HOGA1: variants seen among roughly 807,000 people sequenced by gnomAD.
HOGA1 encodes the protein 4-hydroxy-2-oxoglutarate aldolase 1.
Under a neutral mutation model 34.3 loss-of-function variants are expected in HOGA1, and 30 were observed. That is an observed-to-expected ratio of 0.87 (90% CI 0.65 to 1.19). The LOEUF (loss-of-function observed/expected upper bound fraction) is 1.19. HOGA1 is among the 50% of genes most tolerant of loss of function. HOGA1 has a pLI of 0.00. For synonymous variants in HOGA1, 161 were observed against 174.0 expected, an observed-to-expected ratio of 0.93 and a Z score of 0.59; for missense variants, 417 against 436.5, an observed-to-expected ratio of 0.96 and a Z score of 0.40.
At chr10:97,598,706 G>C in intron 1 of HOGA1, 69 bp from the exon 2 acceptor site, 1 of 1,580,412 alleles carries the variant, frequency 6.3e-7, no homozygotes, top group Non-Finnish European at 8.7e-7. Flanking sequence ...GTGTCGTAAG[G>C]TAGGAACACC....
At chr10:97,602,678 T>TTTCA in intron 6 of HOGA1, 1 of 768,806 alleles carries the variant, frequency 1.3e-6, no homozygotes, top group Non-Finnish European at 1.6e-6. Context: ...TCTTTCTCTC[T>TTTCA]TTCTTTCTTT....
In HOGA1 at chr10:97,601,871, G is replaced by A. The variant is rs189919790; in HGVS notation, c.715G>A (p.Val239Ile). Reference sequence around the variant, plus strand: ...ACTTCGTGCAGGAGCTGTGGGGGGCGTCTGCGCCCTGGCCAATGTCCTGGG... The same window carrying A: ...ACTTCGTGCAGGAGCTGTGGGGGGCATCTGCGCCCTGGCCAATGTCCTGGG... The part of the protein sequence containing the change: ...ASYALGAVGG[V>I]CALANVLGAQ... The change falls in exon 6 of 7, where the codon GTC (valine) becomes ATC (isoleucine). Residue 239 changes from valine (V) to isoleucine (I), a missense_variant. Transcript: ENST00000370646. 3.1e-4 allele frequency: 505 copies of A among 1,612,356 alleles called. 2 individuals are homozygous for A. The East Asian group carries it at 5.9e-3, about 19-fold the overall frequency.
chr10:97,604,244 T>G (rs1278218905), intron 6 of HOGA1, among the ~76,000 whole-genome samples: 1 of 152,228 alleles, frequency 6.6e-6, no homozygotes, highest in East Asian at 1.9e-4. Flanking sequence ...TCATCCAGGT[T>G]GTTTGTTGCA....
intron 1 of HOGA1, among the ~76,000 whole-genome samples, chr10:97,594,898 G>A (rs1257045546): frequency 1.3e-5 from 2 of 152,198 alleles, no homozygotes; most frequent in African/African-American, 2.4e-5. Flanking sequence ...GTAGATGGGT[G>A]CTGTCCATGG....
chr10:97,598,594 G>A (rs1039669161), intron 1 of HOGA1, among the ~76,000 whole-genome samples, 181 bp from the exon 2 acceptor site: 1 of 152,208 alleles, frequency 6.6e-6, no homozygotes, highest in Admixed American at 6.5e-5. Context: ...GCAACAGAGT[G>A]AGACCCTGTG....
chr10:97,598,968 A>T (rs2041093870), intron 2 of HOGA1, 65 bp downstream of exon 2: 3 of 1,609,812 alleles, frequency 1.9e-6, no homozygotes, highest in Non-Finnish European at 2.5e-6. Context: ...CCTAGGCCCT[A>T]GCTTGGGTCC....
chr10:97,585,760 C>T (rs903868308), intron 1 of HOGA1, among the ~76,000 whole-genome samples: 2 of 152,226 alleles, frequency 1.3e-5, no homozygotes, highest in African/African-American at 4.8e-5. Context: ...TTTGGAGCTG[C>T]TAGGCCACAC....
In HOGA1 at chr10:97,603,027, A is replaced by T. The variant is rs1350097305; in HGVS notation, c.834+1037A>T. Among the ~76,000 whole-genome samples, 1 of 151,966 alleles carries T rather than the reference A, an allele frequency of 6.6e-6. No individual in the cohort carries two copies. Among genetic ancestry groups the T allele is most frequent in the Admixed American group, 6.6e-5 (1 of 15,254 alleles). On this transcript the variant is annotated intron_variant, in intron 6 of 6. Transcript: ENST00000370646. This position sits in a 1 kb window ranked among gnomAD's most constrained non-coding sequence, Gnocchi z 4.5. ...TCTTTTCTTTTCTTTTTTGAGACAT[A>T]GTCTCACTCTGTTTCCCAGGCTGGA...
chr10:97,595,766 C>T (rs182974856), intron 1 of HOGA1, among the ~76,000 whole-genome samples: 1 of 152,338 alleles, frequency 6.6e-6, no homozygotes. Flanking sequence ...TTAGCCTGGG[C>T]TTCTCTGACT....
At chr10:97,589,783 G>A in intron 1 of HOGA1, 1 of 759,282 alleles carries the variant, frequency 1.3e-6, no homozygotes. Context: ...CACCCAGCGT[G>A]CTCTTAGCTC....
chr10:97,599,037 C>T, intron 2 of HOGA1, 52 bp from the exon 3 acceptor site: 1 of 1,609,232 alleles, frequency 6.2e-7, no homozygotes, highest in Non-Finnish European at 8.5e-7. Context: ...GGCCCAGTGT[C>T]CTGGTCCAGG....
intron 1 of HOGA1, among the ~76,000 whole-genome samples, chr10:97,596,726 A>G (rs1369686482): frequency 1.3e-5 from 2 of 149,774 alleles, no homozygotes; most frequent in African/African-American, 4.9e-5. Flanking sequence ...AAAAAAAAAA[A>G]GCAGCTAAAT....
Position 97,600,049 on chromosome 10 carries a change from C to T in HOGA1, c.604-18C>T, listed in dbSNP as rs1442723306. The T allele has an allele frequency of 6.2e-7, 1 of 1,610,836 alleles. No individual in the cohort carries two copies. Among genetic ancestry groups the T allele is most frequent in the East Asian group, 2.2e-5 (1 of 44,874 alleles). ...TGAGGCTCTGGGCACAGCTCTCACA[C>T]CACATTTGCTGTTGCAGGTGACCAG... On this transcript the variant is annotated intron_variant, in intron 4 of 6. Transcript: ENST00000370646.
intron 6 of HOGA1, 57 bp from the exon 7 acceptor site, chr10:97,611,452 TC>T: frequency 6.3e-7 from 1 of 1,599,828 alleles, no homozygotes; most frequent in East Asian, 2.2e-5. Flanking sequence ...ATCTCCGAGT[TC>T]CAGATATGGG....
At chr10:97,609,423 C>T (rs577260823) in intron 6 of HOGA1, among the ~76,000 whole-genome samples, 2 of 152,266 alleles carry the variant, frequency 1.3e-5, no homozygotes, top group East Asian at 3.9e-4. Flanking sequence ...CATCCCAGAT[C>T]TCTGCGTGTC....
rs758304537 is a variant in HOGA1 at position 97,584,911 on chromosome 10, C to T, written c.208C>T (p.Arg70Ter). 3.6e-5 allele frequency: 58 copies of T among 1,613,662 alleles called. 1 individual carries two copies. Among genetic ancestry groups the T allele is most frequent in the South Asian group, 5.5e-5 (5 of 91,038 alleles). The change falls in exon 1 of 7, where the codon CGA becomes TGA. Residue 70 changes from arginine to a stop codon, truncating the protein, a stop_gained. Coordinates refer to ENST00000370646, the MANE Select transcript of HOGA1 (RefSeq NM_138413.4). LOFTEE classifies it high-confidence loss of function. ...NLHKLGTFPF[R>*]GFVVQGSNGE... ...GCACAAACTGGGCACCTTCCCCTTCCGAGGTAAGTGGGGCTGTCCTCTGTG... is the reference window on the plus strand; with the variant it reads ...GCACAAACTGGGCACCTTCCCCTTCTGAGGTAAGTGGGGCTGTCCTCTGTG...
Position 97,598,823 on chromosome 10 carries a change from G to C in HOGA1, c.260G>C (p.Ser87Thr), listed in dbSNP as rs1167209340. Residue 87 changes from serine to threonine, a missense_variant, in exon 2 of 7, where the codon AGT (serine) becomes ACT (threonine). Transcript: ENST00000370646. The part of the protein sequence containing the change: ...SNGEFPFLTS[S>T]ERLEVVSRVR... The stretch of plus-strand genomic sequence containing the variant: ...GGCGAGTTTCCTTTCCTGACCAGCA[G>C]TGAGCGCCTCGAGGTGGTGAGCCGT... 1.9e-6 allele frequency: 3 copies of C among 1,614,096 alleles called. No individual in the cohort carries two copies. The highest frequency in any genetic ancestry group is 1.7e-5 in the Admixed American group (1 of 60,000).
chr10:97,585,650 G>C (rs2040964171), intron 1 of HOGA1, among the ~76,000 whole-genome samples: 1 of 152,222 alleles, frequency 6.6e-6, no homozygotes. Context: ...CACTGCCCAA[G>C]GTCATTCGGC....
rs533381631 is a variant in HOGA1, at chr10:97,595,166, G to A, written c.212-3609G>A. Among the ~76,000 whole-genome samples, 15 of 152,288 alleles carry A rather than the reference G, an allele frequency of 9.8e-5. No individual in the cohort carries two copies. In the South Asian group the frequency reaches 3.1e-3, roughly 32 times the overall value. ...AGCAAGTGTAATCATGGGGGCAGGGGAGAGTATCTTCCTTTGTCTTACAGC... is the reference window on the plus strand; with the variant it reads ...AGCAAGTGTAATCATGGGGGCAGGGAAGAGTATCTTCCTTTGTCTTACAGC... On this transcript the variant is annotated intron_variant, in intron 1 of 6. Transcript: ENST00000370646.
Sources: allele counts gnomAD v4.1 joint callset (sites outside exome capture counted in the v4.1 genomes callset), GRCh38; gene constraint gnomAD v4.1.1; non-coding constraint Gnocchi (gnomAD v3.1); transcripts MANE v1.5; gene names NCBI Gene and HGNC (gene_info 2026-07-23, HGNC 2026-07-21).